RNF213: variants seen among roughly 807,000 people sequenced by gnomAD.
RNF213 encodes the protein ring finger protein 213.
A neutral mutation model predicts 514.4 loss-of-function variants in RNF213; 341 were observed. The ratio of observed to expected loss-of-function variants is 0.66; its 90% CI spans 0.61 to 0.73. The LOEUF is 0.73. RNF213 is among the 30% of genes least tolerant of loss of function. The pLI is 0.00. For missense variants in RNF213, 5,767 were observed against 6,615.6 expected, an observed-to-expected ratio of 0.87 and a Z score of 4.45; for synonymous variants, 2,655 against 2,658.2, an observed-to-expected ratio of 1.00 and a Z score of 0.04.
chr17:80,313,299 A>G (rs1319268155), intron 15 of RNF213, 132 bp downstream of exon 15: 7 of 1,217,056 alleles, frequency 5.8e-6, no homozygotes, highest in Admixed American at 3.4e-5. Flanking sequence ...TTCTTCATCT[A>G]CAAAATGGAG....
intron 3 of RNF213, among the ~76,000 whole-genome samples, chr17:80,281,671 A>ACATACGC (rs2143087845): frequency 1.1e-5 from 1 of 93,534 alleles, no homozygotes; most frequent in South Asian, 3.9e-4. Context: ...ACACACCCCA[A>ACATACGC]CATACGCAAG....
intron 6 of RNF213, 69 bp from the exon 7 acceptor site, chr17:80,290,501 G>A (rs11651638): frequency 4.4e-4 from 702 of 1,584,654 alleles, no homozygotes; most frequent in Non-Finnish European, 5.7e-4. Flanking sequence ...GTGTGTGCGC[G>A]TGTGTGCATG....
Position 80,372,910 on chromosome 17 carries a change from C to T in RNF213, c.12752-65C>T, listed in dbSNP as rs1599165307. ...GTAGGTCCGATGCCCTCTGGTTGGC[C>T]TTGTGTCCTACAATAAATGCCCTAA... On this transcript the variant is annotated intron_variant, in intron 48 of 67. Coordinates refer to ENST00000582970, the MANE Select transcript of RNF213 (RefSeq NM_001256071.3). The T allele has an allele frequency of 3.9e-6, 6 of 1,540,616 alleles. No homozygotes were observed. In the East Asian group the frequency reaches 1.4e-4, roughly 36 times the overall value.
At chr17:80,334,618 T>G (rs1599044956) in intron 22 of RNF213, among the ~76,000 whole-genome samples, 1 of 21,300 alleles carries the variant, frequency 4.7e-5, no homozygotes, top group Non-Finnish European at 1.4e-4. Context: ...ACAGAGAGGT[T>G]TTTTTTTTTT....
rs764308928 is a variant in RNF213 at position 80,347,052 on chromosome 17, A to G, written c.8717A>G (p.Asn2906Ser). ...ATTTTTGTGTCACGTGGCAGCCCCA[A>G]CGAGACAGAGCTCATAGAGAGCGCC... Reference protein sequence around the residue: ...RGIFVSRGSPNETELIESAKG... With the variant: ...RGIFVSRGSPSETELIESAKG... The change falls in exon 29 of 68, where the codon AAC (asparagine) becomes AGC (serine). Residue 2906 changes from asparagine (N) to serine (S), a missense_variant. Coordinates refer to ENST00000582970, the MANE Select transcript of RNF213 (RefSeq NM_001256071.3). The surrounding 1 kb of genome is among the most constrained non-coding windows in gnomAD (Gnocchi z 7.2). The G allele has an allele frequency of 1.1e-5, 18 of 1,613,958 alleles. No individual in the cohort carries two copies. Among genetic ancestry groups the G allele is most frequent in the African/African-American group, 1.1e-4 (8 of 74,916 alleles).
chr17:80,358,738 G>C (rs945734473), intron 37 of RNF213, among the ~76,000 whole-genome samples: 2 of 152,074 alleles, frequency 1.3e-5, no homozygotes, highest in Non-Finnish European at 2.9e-5. Flanking sequence ...GTGAAACCCC[G>C]TCTCTACTAA....
intron 3 of RNF213, among the ~76,000 whole-genome samples, chr17:80,281,657 TCACA>T (rs1192634545): frequency 8.5e-5 from 10 of 117,000 alleles, no homozygotes; most frequent in African/African-American, 2.1e-4. Flanking sequence ...CTCACCCCAC[TCACA>T]CACACCCCAA....
At chr17:80,378,954 G>T (rs1464954810) in intron 54 of RNF213, among the ~76,000 whole-genome samples, 2 of 152,210 alleles carry the variant, frequency 1.3e-5, no homozygotes, top group Non-Finnish European at 2.9e-5. Context: ...CAGGTGGATT[G>T]CTAGATCCCA....
chr17:80,319,550 G>A lies in RNF213; in HGVS notation c.3024+238G>A. ...CACCATCCTGCATGTGTTCCATATG[G>A]AATCACGGCCGTGCGCGTGTGGCAC... is the stretch of plus-strand genomic sequence containing the variant. On this transcript the variant is annotated intron_variant, in intron 17 of 67. Coordinates refer to ENST00000582970, the MANE Select transcript of RNF213 (RefSeq NM_001256071.3). 2.5e-6 allele frequency: 4 copies of A among 1,609,868 alleles called. No individual in the cohort carries two copies. In the South Asian group the frequency reaches 4.4e-5, roughly 18 times the overall value.
At position 80,306,400 on chromosome 17, in the gene RNF213, C is replaced by A; in HGVS notation, c.2359C>A (p.His787Asn). 6.2e-7 allele frequency: 1 copy of A among 1,614,170 alleles called. No individual in the cohort carries two copies. The highest frequency in any genetic ancestry group is 8.5e-7 in the Non-Finnish European group (1 of 1,180,044). The change falls in exon 12 of 68, where the codon CAT becomes AAT. Residue 787 changes from histidine to asparagine, a missense_variant. Coordinates refer to ENST00000582970, the MANE Select transcript of RNF213 (RefSeq NM_001256071.3). ...FIEHLGRFPA[H>N]ILDCLSGIYY... ...TGAGCACCTGGGTCGTTTTCCTGCT[C>A]ATATCCTGGACTGTCTTTCAGGGAT...
intron 3 of RNF213, among the ~76,000 whole-genome samples, chr17:80,286,877 G>A (rs1021382152): frequency 2.0e-5 from 3 of 152,140 alleles, no homozygotes; most frequent in African/African-American, 7.2e-5. Flanking sequence ...CCCACCAGCC[G>A]CAGTCCTGGT....
intron 2 of RNF213, among the ~76,000 whole-genome samples, chr17:80,265,049 T>G (rs1170072501): frequency 1.3e-5 from 2 of 151,030 alleles, no homozygotes; most frequent in African/African-American, 2.4e-5. Context: ...TGTTTGTTTT[T>G]TTTTTTTTTT....
intron 61 of RNF213, 110 bp downstream of exon 61, chr17:80,385,731 G>C (rs536454031): frequency 8.5e-6 from 8 of 936,112 alleles, no homozygotes; most frequent in Non-Finnish European, 1.2e-5. Context: ...CACTGTGTTT[G>C]TTTGTTTTTG....
chr17:80,292,449 G>A (rs867471639), intron 8 of RNF213, among the ~76,000 whole-genome samples: 1 of 152,178 alleles, frequency 6.6e-6, no homozygotes, highest in Non-Finnish European at 1.5e-5. Flanking sequence ...GGCAGCAAAG[G>A]CCTGGGAGCT....
chr17:80,337,061 G>C (rs1461278930), intron 23 of RNF213, among the ~76,000 whole-genome samples: 4 of 152,128 alleles, frequency 2.6e-5, no homozygotes, highest in Admixed American at 6.5e-5. Context: ...TGGAAGGGCA[G>C]GTAAAGCTAT....
At chr17:80,319,436 T>A (rs749289267) in intron 17 of RNF213, 124 bp downstream of exon 17, 1 of 1,614,198 alleles carries the variant, frequency 6.2e-7, no homozygotes, top group Non-Finnish European at 8.5e-7. Flanking sequence ...GATTGGGAAG[T>A]GGGCACCCTC....
chr17:80,360,351 C>G, intron 38 of RNF213, 145 bp downstream of exon 38: 1 of 878,278 alleles, frequency 1.1e-6, no homozygotes, highest in East Asian at 2.7e-5. Flanking sequence ...AGTAAGCGTC[C>G]AATTTACGTC....
intron 11 of RNF213, among the ~76,000 whole-genome samples, chr17:80,299,167 T>C (rs2045079251): frequency 6.6e-6 from 1 of 152,208 alleles, no homozygotes; most frequent in African/African-American, 2.4e-5. Context: ...ATTTTTCCTC[T>C]TAACAGTATT....
At position 80,364,433 on chromosome 17, in the gene RNF213, A is replaced by G; in HGVS notation, c.11751A>G (p.Arg3917=). 1 of 1,613,956 alleles carries G rather than the reference A, an allele frequency of 6.2e-7. No individual in the cohort carries two copies. The highest frequency in any genetic ancestry group is 8.5e-7 in the Non-Finnish European group (1 of 1,179,982). Residue 3917 remains arginine, a splice_region_variant and synonymous_variant, in exon 42 of 68, where the codon AGA becomes AGG. Transcript: ENST00000582970. ...SLAQAVIREV[R]AQWSRIFSTA... Reference sequence around the variant, plus strand: ...AGTGAGTGGCGCCCTCTTTTGACAGAGCCCAGTGGAGTCGGATTTTCTCCA... The same window carrying G: ...AGTGAGTGGCGCCCTCTTTTGACAGGGCCCAGTGGAGTCGGATTTTCTCCA...
Sources: allele counts gnomAD v4.1 joint callset (sites outside exome capture counted in the v4.1 genomes callset), GRCh38; gene constraint gnomAD v4.1.1; non-coding constraint Gnocchi (gnomAD v3.1); transcripts MANE v1.5; gene names NCBI Gene and HGNC (gene_info 2026-07-23, HGNC 2026-07-21).